ALG5: variants seen among roughly 807,000 people sequenced by gnomAD.
ALG5 encodes the protein dolichyl-phosphate beta-glucosyltransferase.
ALG5 carries 26 observed loss-of-function variants against 51.8 expected under a neutral mutation model. The ratio of observed to expected loss-of-function variants is 0.50; its 90% CI spans 0.37 to 0.70. The LOEUF (loss-of-function observed/expected upper bound fraction) is 0.70, where lower values mean the gene tolerates loss of function less well. ALG5 is among the 30% of genes least tolerant of loss of function. The probability of loss-of-function intolerance (pLI) is 0.00; values close to 1 mark genes in which losing one functional copy is unlikely to be tolerated. For synonymous variants in ALG5, 141 were observed against 136.1 expected (o/e 1.04, Z -0.25); for missense variants, 311 against 399.3 (o/e 0.78, Z 1.88).
chr13:36,971,898 T>C, intron 7 of ALG5, 79 bp downstream of exon 7: 1 of 1,128,898 alleles, frequency 8.9e-7, no homozygotes, highest in Admixed American at 2.4e-5. Flanking sequence ...TAAAAGCCAG[T>C]TTCTTGCCAG....
chr13:36,988,350 C>T (rs2059011144), intron 5 of ALG5, among the ~76,000 whole-genome samples: 3 of 152,226 alleles, frequency 2.0e-5, no homozygotes. Flanking sequence ...CCCATCATGA[C>T]ACTGCATCAA....
chr13:36,964,215 G>A (rs532978826), intron 8 of ALG5, among the ~76,000 whole-genome samples: 2 of 152,230 alleles, frequency 1.3e-5, no homozygotes, highest in South Asian at 4.1e-4. Context: ...GGCGTGGTTA[G>A]AAAAGAAAAG....
At chr13:36,974,200 AAAG>A (rs150391982) in intron 6 of ALG5, among the ~76,000 whole-genome samples, 7,026 of 152,260 alleles carry the variant, frequency 0.046, 535 homozygotes, top group African/African-American at 0.16. Flanking sequence ...GCAATTTAAA[AAAG>A]AATACATACA....
At chr13:36,989,760 T>C (rs1467847344) in intron 4 of ALG5, among the ~76,000 whole-genome samples, 184 bp from the exon 5 acceptor site, 1 of 152,194 alleles carries the variant, frequency 6.6e-6, no homozygotes, top group Non-Finnish European at 1.5e-5. Context: ...ATTGACCTAC[T>C]AGGTTGAAAT....
intron 6 of ALG5, among the ~76,000 whole-genome samples, chr13:36,973,021 T>C (rs1270427018): frequency 6.9e-6 from 1 of 144,270 alleles, no homozygotes; most frequent in Non-Finnish European, 1.5e-5. Flanking sequence ...CAATGCTTCC[T>C]AACTTAAAAC....
chr13:36,993,907 TC>T (rs2059036970), intron 3 of ALG5, among the ~76,000 whole-genome samples: 1 of 152,196 alleles, frequency 6.6e-6, no homozygotes, highest in African/African-American at 2.4e-5. Context: ...ACCTTGCTGT[TC>T]CCCAGTCTGC....
intron 5 of ALG5, among the ~76,000 whole-genome samples, chr13:36,988,019 T>C (rs2059009476): frequency 6.6e-6 from 1 of 152,198 alleles, no homozygotes; most frequent in African/African-American, 2.4e-5. Flanking sequence ...GCATGTTCTT[T>C]CACATTGCTG....
In ALG5 at chr13:36,977,802, AAAAAAAAAAAAAC is replaced by A. The variant is rs1477797933; in HGVS notation, c.562-5779_562-5767del. 2.0e-5 allele frequency among the ~76,000 whole-genome samples: 3 copies of A among 147,032 alleles called. No homozygotes were observed. In the East Asian group the frequency reaches 6.0e-4, roughly 29 times the overall value. On this transcript the variant is annotated intron_variant, in intron 6 of 9. Transcript: ENST00000239891. ...GTGAGACTGTCTCCAAAAAAAAAAA[AAAAAAAAAAAAAC>A]AAAAACGGTGGTAAGAAGTAAAGTA...
intron 8 of ALG5, among the ~76,000 whole-genome samples, chr13:36,958,136 A>G (rs1034193554): frequency 6.6e-6 from 1 of 151,786 alleles, no homozygotes; most frequent in Non-Finnish European, 1.5e-5. Context: ...CCCAATCCCC[A>G]TGGCCTTCCC....
chr13:36,990,684 A>G (rs1425899725), intron 4 of ALG5, among the ~76,000 whole-genome samples: 2 of 152,174 alleles, frequency 1.3e-5, no homozygotes, highest in Non-Finnish European at 2.9e-5. Flanking sequence ...AATTTCATTC[A>G]TCTCCTCCTC....
chr13:36,975,518 C>G (rs1441367998), intron 6 of ALG5, among the ~76,000 whole-genome samples: 1 of 152,116 alleles, frequency 6.6e-6, no homozygotes, highest in Non-Finnish European at 1.5e-5. Flanking sequence ...TTTTTCTTGT[C>G]AATTGTAAGG....
intron 1 of ALG5, 120 bp from the exon 2 acceptor site, chr13:36,995,716 AG>A (rs2059046555): frequency 1.0e-6 from 1 of 971,120 alleles, no homozygotes; most frequent in Admixed American, 2.9e-5. Context: ...CTCAGGTTTT[AG>A]TTCATTAACA....
intron 4 of ALG5, among the ~76,000 whole-genome samples, chr13:36,991,373 C>A (rs1323443757): frequency 6.6e-6 from 1 of 151,470 alleles, no homozygotes; most frequent in Non-Finnish European, 1.5e-5. Context: ...TTACTCATCA[C>A]AATGCAACTG....
chr13:36,952,194 A>G (rs776800132), intron 9 of ALG5, among the ~76,000 whole-genome samples: 72 of 152,246 alleles, frequency 4.7e-4, no homozygotes, highest in Non-Finnish European at 1.6e-4. Context: ...TGCAAAAAAT[A>G]AATTTATCTA....
chr13:36,963,166 G>T (rs979274140), intron 8 of ALG5, among the ~76,000 whole-genome samples: 1 of 152,096 alleles, frequency 6.6e-6, no homozygotes, highest in Non-Finnish European at 1.5e-5. Context: ...TTCCAGGGTG[G>T]TCTTTAACTC....
chr13:36,952,707 T>C, intron 8 of ALG5, 108 bp from the exon 9 acceptor site: 1 of 590,962 alleles, frequency 1.7e-6, no homozygotes, highest in Non-Finnish European at 2.8e-6. Flanking sequence ...ATAAAGCTTA[T>C]ACCATAAATC....
At chr13:36,965,523 G>A (rs1168054660) in intron 8 of ALG5, 52 bp downstream of exon 8, 2 of 1,538,844 alleles carry the variant, frequency 1.3e-6, no homozygotes, top group African/African-American at 1.4e-5. Flanking sequence ...TCATTACCTA[G>A]AAGATGGCTG....
chr13:36,977,462 C>A (rs560495771), intron 6 of ALG5, among the ~76,000 whole-genome samples: 38 of 151,942 alleles, frequency 2.5e-4, no homozygotes, highest in African/African-American at 9.2e-4. Context: ...CCATTGCACC[C>A]CAGCCTGGGC....
chr13:36,999,013 T>G, intron 1 of ALG5: 1 of 414,890 alleles, frequency 2.4e-6, no homozygotes, highest in Non-Finnish European at 4.2e-6. Flanking sequence ...AACTTACAAG[T>G]CTCTGAGCAC....
Sources: gnomAD v4.1 joint callset for allele counts (sites outside exome capture counted in the v4.1 genomes callset) on GRCh38, gnomAD v4.1.1 for gene constraint, MANE v1.5 for transcripts, NCBI Gene and HGNC (gene_info 2026-07-23, HGNC 2026-07-21) for gene names.